FOXP2: variants seen among roughly 807,000 people sequenced by gnomAD.
FOXP2 encodes the protein forkhead box P2.
Under a neutral mutation model 115.8 loss-of-function variants are expected in FOXP2, and 12 were observed. The ratio of observed to expected loss-of-function variants is 0.10; its 90% CI spans 0.07 to 0.17. FOXP2 has a LOEUF of 0.17. Ranked by LOEUF, FOXP2 falls within the 10% of genes least tolerant of loss-of-function variation. The pLI is 1.00. For missense variants in FOXP2, 629 were observed against 843.5 expected (o/e 0.75, Z 3.15); for synonymous variants, 328 against 297.7 (o/e 1.10, Z -1.05).
chr7:114,429,616 T>C (rs980275658), intron 2 of FOXP2, among the ~76,000 whole-genome samples: 2 of 151,544 alleles, frequency 1.3e-5, no homozygotes, highest in African/African-American at 2.4e-5. Flanking sequence ...TTGCTAAAAC[T>C]TGATTGCTTT....
chr7:114,619,659 T>A (rs1419615580), intron 3 of FOXP2, among the ~76,000 whole-genome samples: 3 of 152,124 alleles, frequency 2.0e-5, no homozygotes, highest in Admixed American at 6.5e-5. Flanking sequence ...TCCAATTTTT[T>A]AAAAGAAACT....
chr7:114,374,590 C>T (rs1259639955), intron 2 of FOXP2, among the ~76,000 whole-genome samples: 1 of 152,060 alleles, frequency 6.6e-6, no homozygotes, highest in Non-Finnish European at 1.5e-5. Context: ...TTGTATCCAG[C>T]GGAATTAAGG....
chr7:114,292,738 C>T (rs936796440), intron 2 of FOXP2, among the ~76,000 whole-genome samples: 2 of 152,242 alleles, frequency 1.3e-5, no homozygotes, highest in South Asian at 2.1e-4. Context: ...AACATGTGAT[C>T]ATTAATCTCA....
intron 2 of FOXP2, among the ~76,000 whole-genome samples, chr7:114,376,593 C>G (rs543643475): frequency 2.0e-5 from 3 of 152,128 alleles, no homozygotes; most frequent in African/African-American, 4.8e-5. Context: ...CTAAACCTTT[C>G]CTGAGAGAGG....
intron 2 of FOXP2, among the ~76,000 whole-genome samples, chr7:114,491,282 CT>C (rs1797039024): frequency 6.6e-6 from 1 of 152,104 alleles, no homozygotes; most frequent in Non-Finnish European, 1.5e-5. Flanking sequence ...TTTCATGTGT[CT>C]TTTGGCTGCA....
At chr7:114,309,362 G>A (rs181327514) in intron 2 of FOXP2, among the ~76,000 whole-genome samples, 143 of 152,266 alleles carry the variant, frequency 9.4e-4, no homozygotes, top group African/African-American at 3.3e-3. Context: ...TTCCTGTACC[G>A]CTATACCAGT....
chr7:114,447,744 T>C (rs538088696), intron 2 of FOXP2, among the ~76,000 whole-genome samples: 40 of 152,270 alleles, frequency 2.6e-4, no homozygotes, highest in African/African-American at 9.4e-4. Context: ...CATACACAAA[T>C]GCATACCCAT....
At chr7:114,177,108 GTTGT>G (rs1398679351) in intron 1 of FOXP2, among the ~76,000 whole-genome samples, 5 of 151,994 alleles carry the variant, frequency 3.3e-5, no homozygotes, top group Non-Finnish European at 7.4e-5. Context: ...GGGCATTTTG[GTTGT>G]TTGTTTTCCT....
chr7:114,272,988 G>A (rs1796103996), intron 1 of FOXP2, among the ~76,000 whole-genome samples: 1 of 151,702 alleles, frequency 6.6e-6, no homozygotes, highest in Non-Finnish European at 1.5e-5. Flanking sequence ...TACTTTGGAT[G>A]TAATTTGACA....
rs182654242 is a variant in FOXP2, at chr7:114,547,938, A to C, written c.258+13232A>C. On this transcript the variant is annotated intron_variant, in intron 3 of 16. Coordinates refer to ENST00000350908, the MANE Select transcript of FOXP2 (RefSeq NM_014491.4). ...AAAATATTATCTAAATTTACTATGA[A>C]GTTTATTAGCTACTCTGTTTAGGAT... Among the ~76,000 whole-genome samples the C allele has an allele frequency of 1.7e-4, 26 of 152,288 alleles. No homozygotes were observed. The East Asian group carries it at 3.9e-3, about 23-fold the overall frequency.
At chr7:114,560,004 T>C (rs1223371849) in intron 3 of FOXP2, among the ~76,000 whole-genome samples, 1 of 152,168 alleles carries the variant, frequency 6.6e-6, no homozygotes, top group Non-Finnish European at 1.5e-5. Context: ...CAAATACCTA[T>C]GGTATCTGCA....
intron 6 of FOXP2, among the ~76,000 whole-genome samples, chr7:114,638,185 C>T (rs1805326430): frequency 6.6e-6 from 1 of 152,066 alleles, no homozygotes; most frequent in Admixed American, 6.6e-5. Context: ...CCTAAGTTTA[C>T]ACCTGGTATT....
chr7:114,663,405 T>C, intron 14 of FOXP2, 45 bp from the exon 15 acceptor site: 1 of 1,368,578 alleles, frequency 7.3e-7, no homozygotes, highest in Non-Finnish European at 1.0e-6. Flanking sequence ...TATCCACGTT[T>C]TATATTTTGA....
At chr7:114,243,709 T>C (rs1489740618) in intron 1 of FOXP2, among the ~76,000 whole-genome samples, 2 of 152,164 alleles carry the variant, frequency 1.3e-5, no homozygotes, top group Non-Finnish European at 2.9e-5. Flanking sequence ...AATAATGCTA[T>C]GTTCCATTAT....
At chr7:114,197,263 C>A (rs1055205784) in intron 1 of FOXP2, among the ~76,000 whole-genome samples, 1 of 152,144 alleles carries the variant, frequency 6.6e-6, no homozygotes, top group African/African-American at 2.4e-5. Context: ...TATTAGTCAG[C>A]CTAGGCTGCT....
intron 1 of FOXP2, among the ~76,000 whole-genome samples, chr7:114,147,245 TA>T (rs1792395953): frequency 1.3e-5 from 2 of 152,216 alleles, no homozygotes; most frequent in Admixed American, 1.3e-4. Context: ...TTGCAAACTG[TA>T]AAATGCTATG....
intron 2 of FOXP2, among the ~76,000 whole-genome samples, chr7:114,360,365 C>T (rs1791718756): frequency 6.6e-6 from 1 of 151,870 alleles, no homozygotes; most frequent in Admixed American, 6.6e-5. Flanking sequence ...CCTTCCTTTT[C>T]TTTTTTTTCC....
intron 1 of FOXP2, among the ~76,000 whole-genome samples, chr7:114,188,783 A>G (rs1023272811): frequency 6.6e-6 from 1 of 152,176 alleles, no homozygotes; most frequent in Non-Finnish European, 1.5e-5. Flanking sequence ...GTCTTGTTCA[A>G]ACTGTCATAA....
chr7:114,199,348 CCTTT>C (rs1253654012), intron 1 of FOXP2, among the ~76,000 whole-genome samples: 1 of 151,982 alleles, frequency 6.6e-6, no homozygotes, highest in Non-Finnish European at 1.5e-5. Context: ...TATTTTGTAA[CCTTT>C]CTAATTTTAA....
Sources: allele counts gnomAD v4.1 joint callset (sites outside exome capture counted in the v4.1 genomes callset), GRCh38; gene constraint gnomAD v4.1.1; transcripts MANE v1.5; gene names NCBI Gene and HGNC (gene_info 2026-07-23, HGNC 2026-07-21).